ELAVL2: variants seen among roughly 807,000 people sequenced by gnomAD.
ELAVL2 encodes ELAV-like protein 2.
ELAVL2 carries 4 observed loss-of-function variants against 34.6 expected under a neutral mutation model. That is an observed-to-expected ratio of 0.12 (90% CI 0.06 to 0.26). ELAVL2 has a LOEUF of 0.26. Ranked by LOEUF, ELAVL2 falls within the 10% of genes least tolerant of loss-of-function variation. The pLI, the probability that ELAVL2 is intolerant of heterozygous loss-of-function variation, is 1.00. For missense variants in ELAVL2, 432 were observed against 442.8 expected, an observed-to-expected ratio of 0.98 and a Z score of 0.22; for synonymous variants, 193 against 154.8, an observed-to-expected ratio of 1.25 and a Z score of -1.83.
chr9:23,781,475 C>A (rs1486471962), intron 1 of ELAVL2, among the ~76,000 whole-genome samples: 4 of 151,584 alleles, frequency 2.6e-5, no homozygotes, highest in African/African-American at 9.7e-5. Context: ...CCAAAACATA[C>A]AGCAGAATAG....
the ELAVL2 span, among the ~76,000 whole-genome samples, chr9:23,835,514 T>C: frequency 6.6e-5 from 10 of 152,284 alleles, no homozygotes; most frequent in South Asian, 2.1e-3. Context: ...ATTTAGATTG[T>C]GCTTGAAAAA....
intron 2 of ELAVL2, among the ~76,000 whole-genome samples, chr9:23,739,352 G>A (rs2048607284): frequency 6.6e-6 from 1 of 152,134 alleles, no homozygotes; most frequent in African/African-American, 2.4e-5. Flanking sequence ...CACTGGAGCT[G>A]CCACCAGGAT....
At chr9:23,724,814 C>T (rs936981096) in intron 3 of ELAVL2, among the ~76,000 whole-genome samples, 1 of 152,024 alleles carries the variant, frequency 6.6e-6, no homozygotes, top group Non-Finnish European at 1.5e-5. Flanking sequence ...TTTTAAAAGG[C>T]AGAGGAACAA....
At chr9:23,761,869 G>T in intron 2 of ELAVL2, 137 bp downstream of exon 2, 2 of 1,185,016 alleles carry the variant, frequency 1.7e-6, no homozygotes, top group African/African-American at 1.6e-5. Context: ...GTTTCATATT[G>T]CTGATGTAAT....
At chr9:23,752,467 T>C (rs1422452601) in intron 2 of ELAVL2, among the ~76,000 whole-genome samples, 1 of 150,584 alleles carries the variant, frequency 6.6e-6, no homozygotes, top group Non-Finnish European at 1.5e-5. Context: ...AGAAACTTTT[T>C]TTTGTTTTTT....
chr9:23,776,251 T>A (rs972750235), intron 1 of ELAVL2, among the ~76,000 whole-genome samples: 4 of 152,174 alleles, frequency 2.6e-5, no homozygotes, highest in Admixed American at 2.6e-4. Context: ...ACTAATTCCA[T>A]ATTGTAAGCT....
chr9:23,738,979 C>G (rs779744689), intron 2 of ELAVL2, among the ~76,000 whole-genome samples: 1 of 152,106 alleles, frequency 6.6e-6, no homozygotes, highest in Non-Finnish European at 1.5e-5. Flanking sequence ...ACTGTGGGTT[C>G]TTAATATATC....
At chr9:23,761,985 C>G in intron 2 of ELAVL2, 21 bp downstream of exon 2, 1 of 1,593,334 alleles carries the variant, frequency 6.3e-7, no homozygotes, top group Non-Finnish European at 8.6e-7. Context: ...AAATATAAAT[C>G]ATCTACATAA....
chr9:23,761,062 A>T (rs1013600540), intron 2 of ELAVL2, among the ~76,000 whole-genome samples: 6 of 152,100 alleles, frequency 3.9e-5, no homozygotes, highest in Admixed American at 2.6e-4. Flanking sequence ...TCACATGACT[A>T]GGTGAGAGTT....
intron 1 of ELAVL2, among the ~76,000 whole-genome samples, chr9:23,790,291 C>T (rs1023530628): frequency 2.8e-4 from 43 of 152,180 alleles, no homozygotes; most frequent in African/African-American, 1.0e-3. Context: ...TATGGAAATG[C>T]CTGGTTGGAT....
intron 1 of ELAVL2, among the ~76,000 whole-genome samples, chr9:23,787,854 C>G (rs979812804): frequency 2.0e-5 from 3 of 152,130 alleles, no homozygotes; most frequent in Non-Finnish European, 2.9e-5. Flanking sequence ...GCCAAACAAA[C>G]AAGAGTCAAA....
At chr9:23,715,369 T>C (rs1355262191) in intron 3 of ELAVL2, among the ~76,000 whole-genome samples, 1 of 151,946 alleles carries the variant, frequency 6.6e-6, no homozygotes, top group Non-Finnish European at 1.5e-5. Context: ...AGAATGGTCT[T>C]GATCTCCTGA....
At chr9:23,795,712 T>TA (rs548943782) in intron 1 of ELAVL2, among the ~76,000 whole-genome samples, 86 of 152,336 alleles carry the variant, frequency 5.6e-4, no homozygotes, top group Non-Finnish European at 1.0e-3. Context: ...AAATGGAATT[T>TA]AAAATCTCAA....
At chr9:23,768,736 A>G (rs1041420609) in intron 1 of ELAVL2, among the ~76,000 whole-genome samples, 2 of 152,302 alleles carry the variant, frequency 1.3e-5, no homozygotes, top group Admixed American at 6.5e-5. Flanking sequence ...AGACAAATCC[A>G]AGCCTCTGGC....
chr9:23,711,689 C>G (rs973296012), intron 3 of ELAVL2, among the ~76,000 whole-genome samples: 5 of 152,136 alleles, frequency 3.3e-5, no homozygotes, highest in African/African-American at 1.2e-4. Context: ...ACCCACACTG[C>G]ATTATATGCC....
At chr9:23,778,515 G>A (rs1389459242) in intron 1 of ELAVL2, among the ~76,000 whole-genome samples, 1 of 152,162 alleles carries the variant, frequency 6.6e-6, no homozygotes, top group Non-Finnish European at 1.5e-5. Flanking sequence ...CTAGCCAGCA[G>A]GTTGCCCTAT....
chr9:23,748,168 T>C (rs1033156949), intron 2 of ELAVL2, among the ~76,000 whole-genome samples: 6 of 130,666 alleles, frequency 4.6e-5, no homozygotes, highest in Middle Eastern at 3.9e-3. Context: ...GGGGCTTCCT[T>C]GAGGGGTAGG....
At chr9:23,833,188 A>T in the ELAVL2 span, among the ~76,000 whole-genome samples, 1 of 151,828 alleles carries the variant, frequency 6.6e-6, no homozygotes, top group African/African-American at 2.4e-5. Flanking sequence ...CCATAAAGTT[A>T]TATTGGTTTA....
the ELAVL2 span, among the ~76,000 whole-genome samples, chr9:23,835,166 G>C: frequency 6.6e-6 from 1 of 152,070 alleles, no homozygotes; most frequent in Non-Finnish European, 1.5e-5. Flanking sequence ...TTGGCATTAA[G>C]TATAGCTTAT....
Sources: allele counts gnomAD v4.1 joint callset (sites outside exome capture counted in the v4.1 genomes callset), GRCh38; gene constraint gnomAD v4.1.1; transcripts MANE v1.5; gene names NCBI Gene and HGNC (gene_info 2026-07-23, HGNC 2026-07-21).